LRRC1: variants seen among roughly 807,000 people sequenced by gnomAD.
LRRC1 encodes the protein leucine rich repeat containing 1.
Under a neutral mutation model 69.9 loss-of-function variants are expected in LRRC1, and 28 were observed. The observed-to-expected ratio is 0.40, with a 90% CI of 0.30 to 0.55. The LOEUF is 0.55. Ranked by LOEUF, LRRC1 falls within the 20% of genes least tolerant of loss-of-function variation. The pLI is 0.47. For missense variants in LRRC1, 498 were observed against 609.0 expected, an observed-to-expected ratio of 0.82 and a Z score of 1.92; for synonymous variants, 236 against 240.2, an observed-to-expected ratio of 0.98 and a Z score of 0.16.
At chr6:53,914,024 A>G (rs140215218) in intron 11 of LRRC1, 55 bp downstream of exon 11, 26,380 of 1,213,352 alleles carry the variant, frequency 0.022, 394 homozygotes, top group Non-Finnish European at 0.027. Flanking sequence ...ATACATCCCA[A>G]TCTTGGCAGT....
intron 3 of LRRC1, among the ~76,000 whole-genome samples, chr6:53,880,316 A>G (rs943412094): frequency 2.0e-5 from 3 of 152,120 alleles, no homozygotes; most frequent in Admixed American, 2.0e-4. Context: ...TTTCTTACTT[A>G]TCACTGTCCC....
intron 2 of LRRC1, among the ~76,000 whole-genome samples, chr6:53,875,428 T>C (rs1767033021): frequency 6.6e-6 from 1 of 152,024 alleles, no homozygotes; most frequent in Non-Finnish European, 1.5e-5. Flanking sequence ...TGAAATATAA[T>C]CTATTTATAC....
At position 53,884,175 on chromosome 6, in the gene LRRC1, C is replaced by A. The variant is rs2127431835; in HGVS notation, c.446+1199C>A. On this transcript the variant is annotated intron_variant, in intron 4 of 13. Coordinates refer to ENST00000370888, the MANE Select transcript of LRRC1 (RefSeq NM_018214.5). ...TTGTGAATTTCATGCATGTACAATT[C>A]ACTTTTGCTGTATCAAGTGTCAGAT... The A allele has an allele frequency of 5.1e-6, 3 of 590,406 alleles. No individual in the cohort carries two copies. The East Asian group carries it at 8.5e-5, about 17-fold the overall frequency. 36.6% of individuals were successfully genotyped at this position (590,406 alleles called of 1,614,324 possible). A position where few individuals can be genotyped will look rare whatever the true frequency, so the allele number is the denominator to read the frequency against.
chr6:53,818,890 A>G (rs1765031351), intron 1 of LRRC1, among the ~76,000 whole-genome samples: 1 of 152,226 alleles, frequency 6.6e-6, no homozygotes, highest in South Asian at 2.1e-4. Flanking sequence ...GGCAGAGCAT[A>G]GGAACTCATG....
At position 53,920,617 on chromosome 6, in the gene LRRC1, CA is replaced by C. The variant is rs1253517889; in HGVS notation, c.1280-7del. 1 of 1,614,010 alleles carries C rather than the reference CA, an allele frequency of 6.2e-7. No homozygotes were observed. The highest frequency in any genetic ancestry group is 8.5e-7 in the Non-Finnish European group (1 of 1,180,006). On this transcript the variant is annotated splice_region_variant and splice_polypyrimidine_tract_variant and intron_variant, in intron 12 of 13. Transcript: ENST00000370888. The stretch of plus-strand genomic sequence containing the variant: ...AATTCCCTGCTTATGTGGTCTTTGT[CA>C]CTGCAGAGAATCTGCCTCGCTGTGG...
chr6:53,885,356 T>G (rs1325053754), intron 4 of LRRC1, among the ~76,000 whole-genome samples: 1 of 152,250 alleles, frequency 6.6e-6, no homozygotes, highest in Non-Finnish European at 1.5e-5. Flanking sequence ...AATAGTTTCT[T>G]TAGAGCATTT....
At chr6:53,900,317 G>T (rs1379228174) in intron 8 of LRRC1, among the ~76,000 whole-genome samples, 1 of 152,174 alleles carries the variant, frequency 6.6e-6, no homozygotes, top group Non-Finnish European at 1.5e-5. Flanking sequence ...GATTACAGAT[G>T]TGAGCCACCA....
chr6:53,795,240 C>A lies in LRRC1; in HGVS notation c.-17C>A, dbSNP rs954063458. Reference sequence around the variant, plus strand: ...CTCCGCCGCTCGGGACCCGGCTAGGCGGCGGCGGGGGCGGCGATGTTCCAC... The same window carrying A: ...CTCCGCCGCTCGGGACCCGGCTAGGAGGCGGCGGGGGCGGCGATGTTCCAC... On this transcript the variant is annotated 5_prime_UTR_variant, in exon 1 of 14. Coordinates refer to ENST00000370888, the MANE Select transcript of LRRC1 (RefSeq NM_018214.5). 1.9e-6 allele frequency: 3 copies of A among 1,590,254 alleles called. No homozygotes were observed. The highest frequency in any genetic ancestry group is 2.7e-5 in the African/African-American group (2 of 74,420).
chr6:53,891,999 A>ATATAT (rs59126246), intron 4 of LRRC1, among the ~76,000 whole-genome samples: 10 of 133,676 alleles, frequency 7.5e-5, no homozygotes, highest in African/African-American at 2.9e-4. Flanking sequence ...CTAAAAAAAA[A>ATATAT]ATATATATAT....
rs571709022 is a variant in LRRC1, at chr6:53,869,690, G to A, written c.278-9303G>A. On this transcript the variant is annotated intron_variant, in intron 2 of 13. Transcript: ENST00000370888. ...AACTGCAAGTGACAAGGTCACCATG[G>A]TCTCTCTTCCCAGAGACCTTAGAGT... Among the ~76,000 whole-genome samples the A allele has an allele frequency of 7.9e-5, 12 of 152,270 alleles. No individual in the cohort carries two copies. The East Asian group carries it at 2.3e-3, about 29-fold the overall frequency.
intron 2 of LRRC1, among the ~76,000 whole-genome samples, chr6:53,843,954 T>G (rs1765863116): frequency 6.6e-6 from 1 of 152,170 alleles, no homozygotes; most frequent in Non-Finnish European, 1.5e-5. Flanking sequence ...ATGCCAATCA[T>G]AAGACATAGG....
chr6:53,889,319 C>T (rs1767598070), intron 4 of LRRC1, among the ~76,000 whole-genome samples: 1 of 151,998 alleles, frequency 6.6e-6, no homozygotes, highest in Non-Finnish European at 1.5e-5. Flanking sequence ...TAAAATTGAA[C>T]ATAGTTACCA....
At chr6:53,838,702 C>T (rs186678939) in intron 1 of LRRC1, among the ~76,000 whole-genome samples, 34 of 152,210 alleles carry the variant, frequency 2.2e-4, no homozygotes, top group Admixed American at 2.0e-3. Context: ...TGCTTTAGTT[C>T]AGCCAGTATA....
chr6:53,883,718 G>A (rs747899910), intron 4 of LRRC1, among the ~76,000 whole-genome samples: 5 of 152,164 alleles, frequency 3.3e-5, no homozygotes, highest in Admixed American at 6.5e-5. Context: ...AAAAATAAAA[G>A]TCTGACTTGT....
chr6:53,795,559 C>T (rs1004955405), intron 1 of LRRC1, 144 bp downstream of exon 1: 4 of 762,874 alleles, frequency 5.2e-6, no homozygotes, highest in Admixed American at 6.0e-5. Context: ...TCTTTCTCCC[C>T]CTGTCTCTTT....
At chr6:53,804,866 A>G (rs1339414411) in intron 1 of LRRC1, among the ~76,000 whole-genome samples, 2 of 152,360 alleles carry the variant, frequency 1.3e-5, no homozygotes, top group East Asian at 3.9e-4. Flanking sequence ...GAGATTACAC[A>G]AATCTAATCT....
In LRRC1 at chr6:53,899,737, A is replaced by T; in HGVS notation, c.643-10A>T. 6.2e-7 allele frequency: 1 copy of T among 1,612,018 alleles called. No homozygotes were observed. The highest frequency in any genetic ancestry group is 1.1e-5 in the South Asian group (1 of 90,728). On this transcript the variant is annotated splice_polypyrimidine_tract_variant and intron_variant, in intron 7 of 13. Transcript: ENST00000370888. Reference sequence around the variant, plus strand: ...AAGTGTGCGTTTATTTTTCCATGTCATTGTTATAGGAAATAGGAAATCTGA... The same window carrying T: ...AAGTGTGCGTTTATTTTTCCATGTCTTTGTTATAGGAAATAGGAAATCTGA...
chr6:53,867,412 C>A (rs1468007787), intron 2 of LRRC1, among the ~76,000 whole-genome samples: 1 of 151,138 alleles, frequency 6.6e-6, no homozygotes, highest in Non-Finnish European at 1.5e-5. Flanking sequence ...CTATAGATTT[C>A]ATGTTTTTAT....
chr6:53,806,089 C>G (rs950210110), intron 1 of LRRC1, among the ~76,000 whole-genome samples: 1 of 152,256 alleles, frequency 6.6e-6, no homozygotes, highest in African/African-American at 2.4e-5. Context: ...CCTCATCCAA[C>G]TGGACAGACC....
Sources: gnomAD v4.1 joint callset for allele counts (sites outside exome capture counted in the v4.1 genomes callset) on GRCh38, gnomAD v4.1.1 for gene constraint, MANE v1.5 for transcripts, NCBI Gene and HGNC (gene_info 2026-07-23, HGNC 2026-07-21) for gene names.